The following CADPS2 variants were observed in gnomAD, a reference collection of about 807,000 sequenced individuals.
The protein encoded by CADPS2 is calcium dependent secretion activator 2.
Under a neutral mutation model 172.5 loss-of-function variants are expected in CADPS2, and 93 were observed. The observed-to-expected ratio is 0.54, with a 90% CI of 0.46 to 0.64. The LOEUF (loss-of-function observed/expected upper bound fraction) is 0.64, where lower values mean the gene tolerates loss of function less well. CADPS2 is among the 30% of genes least tolerant of loss of function. The pLI, the probability that CADPS2 is intolerant of heterozygous loss-of-function variation, is 0.00. For missense variants in CADPS2, 1,420 were observed against 1,565.9 expected, an observed-to-expected ratio of 0.91 and a Z score of 1.57; for synonymous variants, 546 against 555.2, an observed-to-expected ratio of 0.98 and a Z score of 0.23.
At chr7:122,455,847 C>G (rs760124752) in intron 14 of CADPS2, among the ~76,000 whole-genome samples, 6 of 152,056 alleles carry the variant, frequency 3.9e-5, no homozygotes, top group Non-Finnish European at 7.4e-5. Flanking sequence ...GCTGGGATTA[C>G]AGGTGTGCAC....
chr7:122,449,439 T>C (rs544500752), intron 15 of CADPS2, among the ~76,000 whole-genome samples: 2 of 152,168 alleles, frequency 1.3e-5, no homozygotes, highest in African/African-American at 4.8e-5. Flanking sequence ...CATCAGCCTC[T>C]GGAGTAGCTG....
intron 7 of CADPS2, among the ~76,000 whole-genome samples, chr7:122,556,851 T>C (rs1035696656): frequency 1.8e-4 from 27 of 152,126 alleles, no homozygotes; most frequent in African/African-American, 6.3e-4. Flanking sequence ...TGTCTTTTAT[T>C]AATAGCACTC....
intron 3 of CADPS2, among the ~76,000 whole-genome samples, chr7:122,657,701 GA>G (rs1323336113): frequency 6.6e-6 from 1 of 152,174 alleles, no homozygotes; most frequent in Non-Finnish European, 1.5e-5. Context: ...AGCTTAAGGA[GA>G]TTTGGGGCTG....
intron 28 of CADPS2, among the ~76,000 whole-genome samples, chr7:122,344,276 T>C (rs564480876): frequency 6.6e-6 from 1 of 152,328 alleles, no homozygotes; most frequent in South Asian, 2.1e-4. Flanking sequence ...TGTACATAAA[T>C]AAATAAGCTT....
intron 17 of CADPS2, among the ~76,000 whole-genome samples, chr7:122,422,642 C>T (rs2048663386): frequency 6.6e-6 from 1 of 152,042 alleles, no homozygotes; most frequent in African/African-American, 2.4e-5. Context: ...ATGTTAGATG[C>T]CTTCTGTTCA....
At chr7:122,722,590 T>A (rs1457464904) in intron 2 of CADPS2, among the ~76,000 whole-genome samples, 1 of 146,620 alleles carries the variant, frequency 6.8e-6, no homozygotes, top group Admixed American at 6.9e-5. Context: ...ATAGGAAGAA[T>A]CAATATTGTG....
intron 20 of CADPS2, among the ~76,000 whole-genome samples, chr7:122,401,702 T>C (rs73216119): frequency 7.9e-4 from 121 of 152,322 alleles, no homozygotes; most frequent in Non-Finnish European, 1.5e-3. Flanking sequence ...TGATTGCCCA[T>C]TAAATTACCT....
intron 4 of CADPS2, among the ~76,000 whole-genome samples, chr7:122,624,357 A>G (rs961628): frequency 0.51 from 78,193 of 152,022 alleles, 20,385 homozygotes; most frequent in East Asian, 0.69. Flanking sequence ...CACAAAAACA[A>G]TATTTGCTTC....
intron 3 of CADPS2, among the ~76,000 whole-genome samples, chr7:122,646,519 T>A (rs71574711): frequency 6.6e-6 from 1 of 151,958 alleles, no homozygotes; most frequent in Non-Finnish European, 1.5e-5. Flanking sequence ...AATGGAGAAG[T>A]AGGAATTCCA....
At chr7:122,330,509 T>C (rs1554433174) in intron 28 of CADPS2, among the ~76,000 whole-genome samples, 1 of 152,176 alleles carries the variant, frequency 6.6e-6, no homozygotes, top group Non-Finnish European at 1.5e-5. Context: ...TTTTCTACCC[T>C]GTTCAAGGCA....
chr7:122,719,401 T>C (rs1287663594), intron 2 of CADPS2, among the ~76,000 whole-genome samples: 6 of 152,116 alleles, frequency 3.9e-5, no homozygotes, highest in African/African-American at 1.4e-4. Flanking sequence ...CCTATCCTTC[T>C]GTTAAAGAAG....
chr7:122,367,936 GGCAACATA>G (rs1479705235), intron 25 of CADPS2: 2 of 151,774 alleles, frequency 1.3e-5, no homozygotes, highest in African/African-American at 2.4e-5. Context: ...CTTCAAAGCT[GGCAACATA>G]GCATCTCTCT....
chr7:122,636,645 TA>T (rs1275732641), intron 3 of CADPS2, among the ~76,000 whole-genome samples: 1 of 152,040 alleles, frequency 6.6e-6, no homozygotes, highest in Non-Finnish European at 1.5e-5. Context: ...TTTGTATTTT[TA>T]GTAAAGACAA....
chr7:122,833,521 C>A (rs78518134), intron 1 of CADPS2, among the ~76,000 whole-genome samples: 2,601 of 151,972 alleles, frequency 0.017, 76 homozygotes, highest in African/African-American at 0.06. Context: ...CCTCCCACCA[C>A]ACCCAGCTTT....
At chr7:122,729,676 G>GTTTTTT (rs56993717) in intron 2 of CADPS2, among the ~76,000 whole-genome samples, 4 of 94,230 alleles carry the variant, frequency 4.2e-5, no homozygotes, top group Non-Finnish European at 8.3e-5. Flanking sequence ...ATTTTTAACG[G>GTTTTTT]TTTTTTTTTT....
chr7:122,825,459 G>A (rs894382353), intron 1 of CADPS2, among the ~76,000 whole-genome samples: 2 of 151,998 alleles, frequency 1.3e-5, no homozygotes, highest in Non-Finnish European at 2.9e-5. Flanking sequence ...GTGGGAGGGA[G>A]AGATAAAATT....
intron 1 of CADPS2, among the ~76,000 whole-genome samples, chr7:122,751,996 T>TAG (rs565801799): frequency 5.9e-5 from 9 of 152,090 alleles, no homozygotes; most frequent in Non-Finnish European, 1.3e-4. Context: ...CATTAGCATT[T>TAG]AGAAGCATTA....
intron 6 of CADPS2, among the ~76,000 whole-genome samples, chr7:122,594,528 C>G (rs1249088409): frequency 6.6e-6 from 1 of 151,912 alleles, no homozygotes; most frequent in African/African-American, 2.4e-5. Flanking sequence ...CCTTTAAAGT[C>G]TGTATTTCTT....
rs2038403871 is a variant in CADPS2, at chr7:122,350,628, G to C, written c.3505-4947C>G. Reference sequence around the variant, plus strand: ...CAGATGGAAATACACAGAGATTACAGAGCCTTCTAATTACATTTATGCCAA... The same window carrying C: ...CAGATGGAAATACACAGAGATTACACAGCCTTCTAATTACATTTATGCCAA... On this transcript the variant is annotated intron_variant, in intron 27 of 29. Coordinates refer to ENST00000449022, the MANE Select transcript of CADPS2 (RefSeq NM_017954.11). 2.0e-5 allele frequency among the ~76,000 whole-genome samples: 3 copies of C among 152,134 alleles called. No individual in the cohort carries two copies. The South Asian group carries it at 6.2e-4, about 32-fold the overall frequency.
Sources: allele counts gnomAD v4.1 joint callset (sites outside exome capture counted in the v4.1 genomes callset), GRCh38; gene constraint gnomAD v4.1.1; transcripts MANE v1.5; gene names NCBI Gene and HGNC (gene_info 2026-07-23, HGNC 2026-07-21).